The following TRIM2 variants were observed in gnomAD, a reference collection of about 807,000 sequenced individuals.
TRIM2 encodes tripartite motif-containing protein 2.
Under a neutral mutation model 75.2 loss-of-function variants are expected in TRIM2, and 20 were observed. The ratio of observed to expected loss-of-function variants is 0.27; its 90% CI spans 0.19 to 0.39. The LOEUF is 0.39. Among genes scored for constraint, TRIM2 ranks in the 10% least tolerant of loss-of-function variants. The probability of loss-of-function intolerance (pLI) is 1.00; values close to 1 mark genes in which losing one functional copy is unlikely to be tolerated. For synonymous variants in TRIM2, 373 were observed against 388.3 expected (o/e 0.96, Z 0.46); for missense variants, 660 against 990.8 (o/e 0.67, Z 4.48).
intron 10 of TRIM2, 108 bp from the exon 11 acceptor site, chr4:153,328,419 AATG>A: frequency 5.0e-6 from 5 of 998,518 alleles, no homozygotes; most frequent in Non-Finnish European, 7.0e-6. Flanking sequence ...GAATGTCTTA[AATG>A]ATAAGTCTTG....
intron 1 of TRIM2, among the ~76,000 whole-genome samples, chr4:153,257,002 C>T (rs1214273835): frequency 6.6e-6 from 1 of 152,220 alleles, no homozygotes; most frequent in African/African-American, 2.4e-5. Flanking sequence ...GTCTCTCTTT[C>T]TAACGAGCAA....
intron 1 of TRIM2, among the ~76,000 whole-genome samples, chr4:153,213,256 G>A (rs917769886): frequency 6.6e-6 from 1 of 152,188 alleles, no homozygotes; most frequent in African/African-American, 2.4e-5. Context: ...TCCAGAGCCT[G>A]TGTTTTTAAC....
chr4:153,316,080 T>A, intron 8 of TRIM2, 81 bp downstream of exon 8: 1 of 1,319,658 alleles, frequency 7.6e-7, no homozygotes, highest in South Asian at 1.5e-5. Flanking sequence ...ATTTCTTTTT[T>A]GAGATGCAGT....
Position 153,315,466 on chromosome 4 carries a change from A to C in TRIM2, c.1511-19A>C, listed in dbSNP as rs1413181664. 1 of 1,578,950 alleles carries C rather than the reference A, an allele frequency of 6.3e-7. No individual in the cohort carries two copies. The highest frequency in any genetic ancestry group is 1.4e-5 in the African/African-American group (1 of 72,868). The stretch of plus-strand genomic sequence containing the variant: ...AACCCTTTAGTGCTTAATTTTTATG[A>C]TTTTATCATTTATTTTAGGTACCAA... On this transcript the variant is annotated intron_variant, in intron 6 of 11. Transcript: ENST00000338700.
At chr4:153,244,522 A>T (rs1748572450) in intron 1 of TRIM2, among the ~76,000 whole-genome samples, 1 of 141,008 alleles carries the variant, frequency 7.1e-6, no homozygotes, top group South Asian at 2.3e-4. Flanking sequence ...CAGTCTCCAA[A>T]GTAGCTGAGA....
intron 1 of TRIM2, among the ~76,000 whole-genome samples, chr4:153,165,992 G>A (rs1344388867): frequency 6.6e-6 from 1 of 151,686 alleles, no homozygotes; most frequent in Non-Finnish European, 1.5e-5. Context: ...TCTCTCTTCT[G>A]GAACTCCAGT....
intron 10 of TRIM2, among the ~76,000 whole-genome samples, chr4:153,326,281 ACT>A (rs1770153655): frequency 6.6e-6 from 1 of 151,982 alleles, no homozygotes; most frequent in African/African-American, 2.4e-5. Flanking sequence ...TATTCTGAAA[ACT>A]CTTCAAGTTT....
At chr4:153,332,768 G>C (rs571473366) in intron 11 of TRIM2, among the ~76,000 whole-genome samples, 47 of 152,258 alleles carry the variant, frequency 3.1e-4, no homozygotes, top group African/African-American at 1.1e-3. Flanking sequence ...ACCATGGTGA[G>C]ATATTACTGC....
At chr4:153,280,930 C>T (rs1353899375) in intron 3 of TRIM2, among the ~76,000 whole-genome samples, 2 of 152,054 alleles carry the variant, frequency 1.3e-5, no homozygotes, top group East Asian at 1.9e-4. Flanking sequence ...GTGATCTGCC[C>T]GCCTCGGCCT....
chr4:153,280,809 C>T (rs775222080), intron 3 of TRIM2, among the ~76,000 whole-genome samples: 1 of 151,892 alleles, frequency 6.6e-6, no homozygotes, highest in East Asian at 1.9e-4. Flanking sequence ...CTCAGCCGCC[C>T]GAGTAGCTGG....
intron 1 of TRIM2, among the ~76,000 whole-genome samples, chr4:153,262,936 T>C (rs1362099179): frequency 6.6e-6 from 1 of 152,236 alleles, no homozygotes; most frequent in African/African-American, 2.4e-5. Context: ...CGCTTTCATG[T>C]ACTCAATAGT....
At chr4:153,161,795 G>A (rs749457288) in intron 1 of TRIM2, among the ~76,000 whole-genome samples, 3 of 152,156 alleles carry the variant, frequency 2.0e-5, no homozygotes, top group Admixed American at 2.0e-4. Flanking sequence ...TCACACAAAA[G>A]CATTAGCAAG....
At chr4:153,191,917 ATAGAAGCTTCCCTT>A (rs1359580031) in intron 1 of TRIM2, among the ~76,000 whole-genome samples, 1 of 152,210 alleles carries the variant, frequency 6.6e-6, no homozygotes, top group Non-Finnish European at 1.5e-5. Flanking sequence ...GGGTATGAGC[ATAGAAGCTTCCCTT>A]CATCAAACCA....
intron 6 of TRIM2, among the ~76,000 whole-genome samples, chr4:153,310,793 G>A (rs1426560349): frequency 2.0e-5 from 3 of 152,152 alleles, no homozygotes; most frequent in Non-Finnish European, 4.4e-5. Flanking sequence ...AATAAAAATG[G>A]TAGTGCCTGT....
chr4:153,291,244 G>A (rs1761788424), intron 3 of TRIM2, among the ~76,000 whole-genome samples: 1 of 152,132 alleles, frequency 6.6e-6, no homozygotes, highest in Non-Finnish European at 1.5e-5. Context: ...TTATTCCTAG[G>A]AGAATCTTCT....
In TRIM2 at chr4:153,206,159, C is replaced by G. The variant is rs142745742; in HGVS notation, c.30+1599C>G. Among the ~76,000 whole-genome samples the G allele has an allele frequency of 1.5e-3, 235 of 152,352 alleles. 2 individuals are homozygous for G. The highest frequency in any genetic ancestry group is 5.2e-3 in the African/African-American group (216 of 41,586). On this transcript the variant is annotated intron_variant, in intron 1 of 11. Coordinates refer to ENST00000338700, the MANE Select transcript of TRIM2 (RefSeq NM_015271.5). Reference sequence around the variant, plus strand: ...CCCACAGTTTAACTCAATTCTGACACTAACTGCAGTGAGTGCAGACCCTGA... The same window carrying G: ...CCCACAGTTTAACTCAATTCTGACAGTAACTGCAGTGAGTGCAGACCCTGA...
At chr4:153,173,977 ATAAT>A (rs1459769313) in intron 1 of TRIM2, among the ~76,000 whole-genome samples, 1 of 151,866 alleles carries the variant, frequency 6.6e-6, no homozygotes, top group East Asian at 1.9e-4. Context: ...TATAAGAATA[ATAAT>A]TAATAAATAC....
chr4:153,311,779 C>G (rs1026418948), intron 6 of TRIM2, among the ~76,000 whole-genome samples: 1 of 148,010 alleles, frequency 6.8e-6, no homozygotes, highest in Admixed American at 6.7e-5. Flanking sequence ...CAGGCTGTCT[C>G]GAACTCTTGG....
intron 1 of TRIM2, among the ~76,000 whole-genome samples, chr4:153,195,295 G>C (rs529165997): frequency 3.9e-5 from 6 of 152,176 alleles, no homozygotes; most frequent in African/African-American, 1.4e-4. Flanking sequence ...GAGGCAGGTG[G>C]ATTACTTGAG....
Sources: gnomAD v4.1 joint callset for allele counts (sites outside exome capture counted in the v4.1 genomes callset) on GRCh38, gnomAD v4.1.1 for gene constraint, MANE v1.5 for transcripts, NCBI Gene and HGNC (gene_info 2026-07-23, HGNC 2026-07-21) for gene names.